The following DRAXIN variants were observed in gnomAD, a reference collection of about 807,000 sequenced individuals.
DRAXIN encodes the protein dorsal inhibitory axon guidance protein.
A neutral mutation model predicts 33.9 loss-of-function variants in DRAXIN; 27 were observed. The observed-to-expected ratio is 0.80, with a 90% CI of 0.59 to 1.10. The LOEUF is 1.10. DRAXIN is among the 50% of genes least tolerant of loss of function. The probability of loss-of-function intolerance (pLI) is 0.00; values close to 1 mark genes in which losing one functional copy is unlikely to be tolerated. For synonymous variants in DRAXIN, 178 were observed against 194.0 expected (o/e 0.92, Z 0.69); for missense variants, 371 against 460.8 (o/e 0.81, Z 1.78).
chr1:11,716,764 C>G (rs1041383058), intron 6 of DRAXIN, among the ~76,000 whole-genome samples: 1 of 152,152 alleles, frequency 6.6e-6, no homozygotes, highest in Admixed American at 6.6e-5. Context: ...CTTTAACTCC[C>G]GGGCTCAAGG....
chr1:11,718,552 C>A (rs1303907193), intron 6 of DRAXIN, among the ~76,000 whole-genome samples: 3 of 152,180 alleles, frequency 2.0e-5, no homozygotes, highest in Non-Finnish European at 4.4e-5. Context: ...CAGCCTGGAA[C>A]TCCTGGGCTC....
rs1283871618 is a variant in DRAXIN, at chr1:11,711,841, C to T, written c.643-10C>T. ...AAGGTTCCAACATCCCCCTTCTCCA[C>T]GGTCTCCAGCAGGCACAGCCCAGGT... On this transcript the variant is annotated splice_polypyrimidine_tract_variant and intron_variant, in intron 3 of 6. Coordinates refer to ENST00000294485, the MANE Select transcript of DRAXIN (RefSeq NM_198545.4). The T allele has an allele frequency of 6.2e-6, 10 of 1,608,096 alleles. No individual in the cohort carries two copies. Among genetic ancestry groups the T allele is most frequent in the African/African-American group, 5.3e-5 (4 of 74,808 alleles).
At chr1:11,710,741 C>T (rs1344493150) in intron 3 of DRAXIN, among the ~76,000 whole-genome samples, 21 of 141,024 alleles carry the variant, frequency 1.5e-4, no homozygotes, top group Admixed American at 2.9e-4. Flanking sequence ...GGTGAAACCC[C>T]ATCTCTACTA....
chr1:11,695,376 C>T (rs547570768), intron 1 of DRAXIN, among the ~76,000 whole-genome samples: 13 of 151,940 alleles, frequency 8.6e-5, no homozygotes, highest in African/African-American at 2.7e-4. Context: ...GCCAGGGGTT[C>T]GAGACCAGCC....
chr1:11,717,992 C>T (rs1641604314), intron 6 of DRAXIN, among the ~76,000 whole-genome samples: 1 of 66,228 alleles, frequency 1.5e-5, no homozygotes, highest in South Asian at 4.6e-4. Context: ...CAGAGCAAGA[C>T]CCTGTCTCAA....
At position 11,706,936 on chromosome 1, in the gene DRAXIN, C is replaced by G. The variant is rs1469450784; in HGVS notation, c.451+227C>G. Among the ~76,000 whole-genome samples, 1 of 152,108 alleles carries G rather than the reference C, an allele frequency of 6.6e-6. No homozygotes were observed. The highest frequency in any genetic ancestry group is 1.5e-5 in the Non-Finnish European group (1 of 68,014). ...CAATACAATCTGTCTTATCGCGGCC[C>G]GGTGCCGTGGCTCACGCTTGTAATC... On this transcript the variant is annotated intron_variant, in intron 2 of 6. Coordinates refer to ENST00000294485, the MANE Select transcript of DRAXIN (RefSeq NM_198545.4). This position sits in a 1 kb window ranked among gnomAD's most constrained non-coding sequence, Gnocchi z 5.5.
intron 5 of DRAXIN, among the ~76,000 whole-genome samples, chr1:11,714,507 G>A (rs112134981): frequency 2.0e-4 from 31 of 152,350 alleles, no homozygotes; most frequent in African/African-American, 2.4e-4. Context: ...AAGAGAGATC[G>A]GAGCGGCACA....
chr1:11,706,566 C>G lies in DRAXIN; in HGVS notation c.308C>G (p.Ala103Gly). The G allele has an allele frequency of 1.2e-6, 2 of 1,610,094 alleles. No individual in the cohort carries two copies. Among genetic ancestry groups the G allele is most frequent in the Non-Finnish European group, 1.7e-6 (2 of 1,179,220 alleles). Residue 103 changes from alanine to glycine, a missense_variant, in exon 2 of 7, where the codon GCA (alanine) becomes GGA (glycine). By Grantham distance (60) the Ala-to-Gly change is moderately conservative. Coordinates refer to ENST00000294485, the MANE Select transcript of DRAXIN (RefSeq NM_198545.4). This position sits in a 1 kb window ranked among gnomAD's most constrained non-coding sequence, Gnocchi z 5.5. ...GGGCTGCTGCCTGAGCAGAGTCCTG[C>G]AGGCCTGCTGCAGGACAAGGACCTG... ...AEGLLPEQSP[A>G]GLLQDKDLLL...
intron 1 of DRAXIN, among the ~76,000 whole-genome samples, chr1:11,699,873 G>A (rs1040246198): frequency 2.0e-5 from 3 of 152,126 alleles, no homozygotes; most frequent in Admixed American, 6.6e-5. Flanking sequence ...ATTGAAGTGA[G>A]CCGAGATGGC....
intron 2 of DRAXIN, among the ~76,000 whole-genome samples, chr1:11,707,129 A>G (rs1641397048): frequency 6.6e-6 from 1 of 152,188 alleles, no homozygotes; most frequent in African/African-American, 2.4e-5. Flanking sequence ...TGAACCCAGG[A>G]GGCGGAGCTT....
At chr1:11,716,180 T>C (rs905060771) in intron 6 of DRAXIN, among the ~76,000 whole-genome samples, 3 of 152,256 alleles carry the variant, frequency 2.0e-5, no homozygotes, top group African/African-American at 7.2e-5. Flanking sequence ...GTTTCAATTT[T>C]GTATTCTGCA....
intron 1 of DRAXIN, among the ~76,000 whole-genome samples, chr1:11,700,770 T>C (rs1641260808): frequency 6.6e-6 from 1 of 152,164 alleles, no homozygotes; most frequent in Admixed American, 6.5e-5. Flanking sequence ...GCAGCACTGA[T>C]ATCCCTGACC....
chr1:11,712,433 C>A lies in DRAXIN; in HGVS notation c.847+4C>A, dbSNP rs772500860. On this transcript the variant is annotated splice_donor_region_variant and intron_variant, in intron 5 of 6. Transcript: ENST00000294485. ...CATCACCAAGACTGCCTGCCAGGTA[C>A]CAGCCAGCACCCACATTCAAGGCAC... The A allele has an allele frequency of 6.2e-7, 1 of 1,613,998 alleles. No individual in the cohort carries two copies. The highest frequency in any genetic ancestry group is 1.7e-5 in the Admixed American group (1 of 60,014).
In DRAXIN at chr1:11,715,214, T is replaced by C; in HGVS notation, c.937+6T>C. 2 of 1,614,124 alleles carry C rather than the reference T, an allele frequency of 1.2e-6. No homozygotes were observed. Among genetic ancestry groups the C allele is most frequent in the South Asian group, 2.2e-5 (2 of 91,078 alleles). On this transcript the variant is annotated splice_donor_region_variant and intron_variant, in intron 6 of 6. Transcript: ENST00000294485. ...TGACTGCATGTGTGTGGAAGGTGGG[T>C]CCAGACTCCTTTGCGGGGGGCTACC...
At chr1:11,701,305 G>T (rs940116996) in intron 1 of DRAXIN, among the ~76,000 whole-genome samples, 1 of 152,192 alleles carries the variant, frequency 6.6e-6, no homozygotes, top group East Asian at 1.9e-4. Context: ...GCCTTGAGAT[G>T]GGCTTTGCCA....
At chr1:11,718,619 C>A (rs999206660) in intron 6 of DRAXIN, among the ~76,000 whole-genome samples, 3 of 152,072 alleles carry the variant, frequency 2.0e-5, no homozygotes, top group Admixed American at 2.0e-4. Context: ...AGGTGTATGC[C>A]ACAATGCCTG....
intron 1 of DRAXIN, among the ~76,000 whole-genome samples, chr1:11,695,614 AT>A (rs201276326): frequency 0.38 from 38,747 of 102,884 alleles, 5,467 homozygotes; most frequent in Admixed American, 0.48. Flanking sequence ...AAAAAAAAAT[AT>A]ATATATATAT....
intron 3 of DRAXIN, among the ~76,000 whole-genome samples, chr1:11,709,944 A>C (rs1448233513): frequency 2.0e-5 from 3 of 151,630 alleles, no homozygotes; most frequent in Non-Finnish European, 2.9e-5. Flanking sequence ...CCCAGCACTT[A>C]GGGAGGCCAA....
In DRAXIN at chr1:11,719,747, G is replaced by C; in HGVS notation, c.*51G>C. ...CCCAGGAGGTTTGCACAAGCCGGGCGATTTGTTTGTAACTAGCAGTGGGAG... is the reference window on the plus strand; with the variant it reads ...CCCAGGAGGTTTGCACAAGCCGGGCCATTTGTTTGTAACTAGCAGTGGGAG... On this transcript the variant is annotated 3_prime_UTR_variant, in exon 7 of 7. Coordinates refer to ENST00000294485, the MANE Select transcript of DRAXIN (RefSeq NM_198545.4). The C allele has an allele frequency of 6.6e-7, 1 of 1,523,456 alleles. No homozygotes were observed. Among genetic ancestry groups the C allele is most frequent in the African/African-American group, 1.4e-5 (1 of 72,980 alleles). 94.4% of individuals were successfully genotyped at this position (1,523,456 alleles called of 1,614,324 possible).
Sources: gnomAD v4.1 joint callset for allele counts (sites outside exome capture counted in the v4.1 genomes callset) on GRCh38, gnomAD v4.1.1 for gene constraint, Gnocchi (gnomAD v3.1) non-coding constraint, MANE v1.5 for transcripts, NCBI Gene and HGNC (gene_info 2026-07-23, HGNC 2026-07-21) for gene names.